ANXA10: variants seen among roughly 807,000 people sequenced by gnomAD.
ANXA10 encodes the protein annexin 14.
In ANXA10, 49 loss-of-function variants were observed where a neutral mutation model predicts 53.5. That is an observed-to-expected ratio of 0.92 (90% CI 0.73 to 1.16). The LOEUF (loss-of-function observed/expected upper bound fraction) is 1.16. Ranked by LOEUF, ANXA10 falls within the 50% of genes most tolerant of loss-of-function variation. The probability of loss-of-function intolerance (pLI) is 0.00; values close to 1 mark genes in which losing one functional copy is unlikely to be tolerated. For missense variants in ANXA10, 393 were observed against 394.4 expected (o/e 1.00, Z 0.03); for synonymous variants, 131 against 128.9 (o/e 1.02, Z -0.11).
At chr4:168,146,406 T>C (rs543011948) in intron 3 of ANXA10, among the ~76,000 whole-genome samples, 7 of 152,314 alleles carry the variant, frequency 4.6e-5, no homozygotes, top group Admixed American at 2.6e-4. Context: ...GTAATCAAAG[T>C]CTGATGCAAT....
intron 2 of ANXA10, among the ~76,000 whole-genome samples, chr4:168,133,474 T>G (rs1341820765): frequency 1.3e-5 from 2 of 151,984 alleles, no homozygotes; most frequent in African/African-American, 4.8e-5. Context: ...TTTTAAAAAA[T>G]AATCAAGGCA....
intron 2 of ANXA10, among the ~76,000 whole-genome samples, chr4:168,133,743 G>C (rs1360510289): frequency 6.6e-6 from 1 of 151,910 alleles, no homozygotes; most frequent in Non-Finnish European, 1.5e-5. Flanking sequence ...TTTTCCCTAG[G>C]AACAATAGTT....
chr4:168,178,019 C>G, intron 8 of ANXA10, 36 bp downstream of exon 8: 1 of 1,573,698 alleles, frequency 6.4e-7, no homozygotes, highest in Non-Finnish European at 8.7e-7. Flanking sequence ...AGCTACTTGA[C>G]CAATTATATA....
At chr4:168,138,501 T>C (rs763615938) in intron 2 of ANXA10, among the ~76,000 whole-genome samples, 8 of 152,180 alleles carry the variant, frequency 5.3e-5, no homozygotes, top group Non-Finnish European at 1.2e-4. Context: ...TATAGCCTTG[T>C]AGTATAGTGT....
chr4:168,153,744 G>A (rs575687653), intron 3 of ANXA10, among the ~76,000 whole-genome samples: 2 of 152,146 alleles, frequency 1.3e-5, no homozygotes, highest in South Asian at 4.1e-4. Context: ...AACTCTGCGA[G>A]GCAGATGCTG....
chr4:168,140,648 C>T (rs1358173421), intron 3 of ANXA10, among the ~76,000 whole-genome samples: 2 of 147,952 alleles, frequency 1.4e-5, no homozygotes, highest in African/African-American at 2.5e-5. Context: ...GATGGAGTTT[C>T]GCTCCTGTTG....
chr4:168,177,962 A>G lies in ANXA10; in HGVS notation c.607A>G (p.Ser203Gly). The change falls in exon 8 of 12, where the codon AGC becomes GGC. Residue 203 changes from serine (S) to glycine (G), a missense_variant. Coordinates refer to ENST00000359299, the MANE Select transcript of ANXA10 (RefSeq NM_007193.5). ...TMLQMILCNK[S>G]YQQLRLVFQE... ...GCTGCAAATGATCCTGTGCAACAAG[A>G]GCTACCAGCAGCTGCGGCTGGGTAA... 1 of 1,613,674 alleles carries G rather than the reference A, an allele frequency of 6.2e-7. No individual in the cohort carries two copies. Among genetic ancestry groups the G allele is most frequent in the Non-Finnish European group, 8.5e-7 (1 of 1,179,986 alleles).
chr4:168,114,796 A>G (rs2149466979), intron 1 of ANXA10, among the ~76,000 whole-genome samples: 1 of 152,252 alleles, frequency 6.6e-6, no homozygotes, highest in South Asian at 2.1e-4. Context: ...TCAAGCTCCA[A>G]CCATGTGCCT....
chr4:168,101,414 C>T (rs1730637306), intron 1 of ANXA10, among the ~76,000 whole-genome samples: 1 of 151,662 alleles, frequency 6.6e-6, no homozygotes, highest in Non-Finnish European at 1.5e-5. Flanking sequence ...ACACTGCTCC[C>T]AGGAGCTAGT....
intron 1 of ANXA10, among the ~76,000 whole-genome samples, chr4:168,113,706 AC>A (rs1730846761): frequency 6.6e-6 from 1 of 152,238 alleles, no homozygotes; most frequent in African/African-American, 2.4e-5. Context: ...TGGAAAAGAC[AC>A]CACATTCAAA....
chr4:168,168,975 C>T lies in ANXA10; in HGVS notation c.480+3649C>T, dbSNP rs74478263. On this transcript the variant is annotated intron_variant, in intron 6 of 11. Coordinates refer to ENST00000359299, the MANE Select transcript of ANXA10 (RefSeq NM_007193.5). ...TACATAGTTCATAAAACTCCCATGT[C>T]ACCACTCTCAGTAAATCATCCTATT... 9.1e-3 allele frequency among the ~76,000 whole-genome samples: 1,386 copies of T among 152,248 alleles called. 12 individuals carry two copies. The highest frequency in any genetic ancestry group is 0.016 in the Non-Finnish European group (1,059 of 68,020).
At chr4:168,104,667 C>T (rs1269985206) in intron 1 of ANXA10, among the ~76,000 whole-genome samples, 1 of 151,844 alleles carries the variant, frequency 6.6e-6, no homozygotes, top group Non-Finnish European at 1.5e-5. Flanking sequence ...GGCATTGAAT[C>T]ATTCATAGCA....
At chr4:168,115,511 A>G (rs890642719) in intron 1 of ANXA10, among the ~76,000 whole-genome samples, 44 of 150,168 alleles carry the variant, frequency 2.9e-4, no homozygotes, top group African/African-American at 9.1e-4. Context: ...ACACACACAC[A>G]CACACACACA....
chr4:168,113,282 GA>G (rs1268714019), intron 1 of ANXA10: 29 of 152,184 alleles, frequency 1.9e-4, no homozygotes, highest in Non-Finnish European at 3.2e-4. Context: ...GGTCTGGTGA[GA>G]GCCCAGTCTC....
intron 1 of ANXA10, among the ~76,000 whole-genome samples, chr4:168,093,061 A>G (rs182187271): frequency 0.026 from 3,769 of 145,482 alleles, 67 homozygotes; most frequent in African/African-American, 0.049. Flanking sequence ...TAACTATTAA[A>G]CAGAGTTAAT....
intron 1 of ANXA10, among the ~76,000 whole-genome samples, chr4:168,096,221 C>T (rs989002608): frequency 5.5e-4 from 84 of 152,028 alleles, no homozygotes; most frequent in African/African-American, 1.8e-3. Flanking sequence ...AAAGTAATTC[C>T]CAGGACAAAA....
chr4:168,175,117 G>A (rs913234362), intron 6 of ANXA10, among the ~76,000 whole-genome samples: 10 of 152,110 alleles, frequency 6.6e-5, no homozygotes, highest in Non-Finnish European at 1.2e-4. Flanking sequence ...AGATCGAAAA[G>A]AAGAGAAACC....
In ANXA10 at chr4:168,157,271, T is replaced by A. The variant is rs112385819; in HGVS notation, c.196-5257T>A. Among the ~76,000 whole-genome samples the A allele has an allele frequency of 6.4e-3, 978 of 152,016 alleles. 9 individuals are homozygous for A. Among genetic ancestry groups the A allele is most frequent in the African/African-American group, 0.021 (887 of 41,406 alleles). Reference sequence around the variant, plus strand: ...CAAGGTATAGATCATTTCTTTATATTTTTTTTTCTTTTTTGATACAGAGTC... The same window carrying A: ...CAAGGTATAGATCATTTCTTTATATATTTTTTTCTTTTTTGATACAGAGTC... On this transcript the variant is annotated intron_variant, in intron 3 of 11. Transcript: ENST00000359299.
At chr4:168,121,289 T>C (rs1201762855) in intron 1 of ANXA10, among the ~76,000 whole-genome samples, 9 of 152,130 alleles carry the variant, frequency 5.9e-5, no homozygotes, top group African/African-American at 1.9e-4. Context: ...TCATTTTTCT[T>C]CAAATTCCAT....
Sources: gnomAD v4.1 joint callset for allele counts (sites outside exome capture counted in the v4.1 genomes callset) on GRCh38, gnomAD v4.1.1 for gene constraint, MANE v1.5 for transcripts, NCBI Gene and HGNC (gene_info 2026-07-23, HGNC 2026-07-21) for gene names.